YEATS4: variants seen among roughly 807,000 people sequenced by gnomAD.
YEATS4 encodes YEATS domain-containing protein 4.
In YEATS4, 17 loss-of-function variants were observed where a neutral mutation model predicts 30.1. That is an observed-to-expected ratio of 0.56 (90% CI 0.39 to 0.85). The LOEUF (loss-of-function observed/expected upper bound fraction) is 0.85. YEATS4 is among the 40% of genes least tolerant of loss of function. The pLI, the probability that YEATS4 is intolerant of heterozygous loss-of-function variation, is 0.00. For synonymous variants in YEATS4, 85 were observed against 87.5 expected (o/e 0.97, Z 0.16); for missense variants, 142 against 268.3 (o/e 0.53, Z 3.29).
chr12:69,391,404 A>C (rs1202385581), downstream of YEATS4, among the ~76,000 whole-genome samples: 1 of 152,192 alleles, frequency 6.6e-6, no homozygotes, highest in Non-Finnish European at 1.5e-5. Flanking sequence ...TCTTCTGTTC[A>C]AATCCACACA....
intron 6 of YEATS4, among the ~76,000 whole-genome samples, chr12:69,377,721 T>TA (rs34542388): frequency 0.051 from 7,748 of 151,844 alleles, 421 homozygotes; most frequent in East Asian, 0.28. Flanking sequence ...CTTGCTTTTT[T>TA]AAAAAAAAAT....
chr12:69,391,529 G>C (rs1180858157), downstream of YEATS4, among the ~76,000 whole-genome samples: 1 of 152,104 alleles, frequency 6.6e-6, no homozygotes, highest in Non-Finnish European at 1.5e-5. Context: ...TTTTTTATCT[G>C]TCTGCCCTGA....
the YEATS4 span, among the ~76,000 whole-genome samples, chr12:69,420,757 C>G: frequency 1.7e-5 from 1 of 60,566 alleles, no homozygotes; most frequent in Non-Finnish European, 3.1e-5. Flanking sequence ...CAATAAAAAA[C>G]ACACTGGGGG....
chr12:69,424,856 C>T, the YEATS4 span, among the ~76,000 whole-genome samples: 2 of 152,114 alleles, frequency 1.3e-5, no homozygotes, highest in African/African-American at 4.8e-5. Flanking sequence ...TCAGGTATTT[C>T]TTTATTGCAG....
intron 4 of YEATS4, among the ~76,000 whole-genome samples, chr12:69,368,672 C>G (rs1181550200): frequency 6.6e-6 from 1 of 152,138 alleles, no homozygotes; most frequent in Non-Finnish European, 1.5e-5. Flanking sequence ...AGTCTGAAAT[C>G]AAGGTGTTGG....
chr12:69,425,636 T>C, the YEATS4 span, among the ~76,000 whole-genome samples: 1 of 152,212 alleles, frequency 6.6e-6, no homozygotes, highest in African/African-American at 2.4e-5. Context: ...CCTCAGGATG[T>C]GGCTTCCCCA....
the YEATS4 span, chr12:69,400,886 A>C: frequency 2.0e-5 from 3 of 152,194 alleles, no homozygotes; most frequent in Non-Finnish European, 2.9e-5. Flanking sequence ...AATATTACCT[A>C]TCAGAATTTA....
chr12:69,407,443 C>T, the YEATS4 span, among the ~76,000 whole-genome samples: 1 of 151,916 alleles, frequency 6.6e-6, no homozygotes, highest in Non-Finnish European at 1.5e-5. Context: ...TTATAAGAGA[C>T]ACTTTTGATC....
chr12:69,360,312 G>T (rs1160783562), intron 1 of YEATS4, among the ~76,000 whole-genome samples: 1 of 152,204 alleles, frequency 6.6e-6, no homozygotes, highest in African/African-American at 2.4e-5. Context: ...GACTCCGAGG[G>T]CTGGGAAAGC....
chr12:69,396,710 C>A, the YEATS4 span, among the ~76,000 whole-genome samples: 2 of 128,860 alleles, frequency 1.6e-5, no homozygotes, highest in African/African-American at 5.0e-5. Flanking sequence ...GAATTGAAAC[C>A]ATGAACCTAT....
the YEATS4 span, among the ~76,000 whole-genome samples, chr12:69,426,662 CA>C: frequency 1.3e-5 from 2 of 152,208 alleles, no homozygotes; most frequent in Non-Finnish European, 2.9e-5. Flanking sequence ...TAAGCCACCG[CA>C]TCCGGCCTAA....
chr12:69,398,593 G>T, the YEATS4 span, among the ~76,000 whole-genome samples: 2 of 151,750 alleles, frequency 1.3e-5, no homozygotes, highest in African/African-American at 2.4e-5. Flanking sequence ...TGGGTGGATT[G>T]CTTGAGCCCA....
At chr12:69,417,856 G>GAAAAAAA in the YEATS4 span, among the ~76,000 whole-genome samples, 1 of 101,980 alleles carries the variant, frequency 9.8e-6, no homozygotes, top group Non-Finnish European at 1.9e-5. Flanking sequence ...TTACAATAGG[G>GAAAAAAA]AAAAAAAAAA....
chr12:69,373,173 G>A (rs1044283821), intron 6 of YEATS4, among the ~76,000 whole-genome samples: 1 of 152,142 alleles, frequency 6.6e-6, no homozygotes, highest in Non-Finnish European at 1.5e-5. Context: ...TGGGATTGCT[G>A]GATCATATAG....
At chr12:69,380,240 CT>C (rs1194667701) in intron 6 of YEATS4, among the ~76,000 whole-genome samples, 13 of 152,226 alleles carry the variant, frequency 8.5e-5, no homozygotes, top group African/African-American at 3.1e-4. Context: ...CTTGGGCAGG[CT>C]TTCCAGGTAT....
chr12:69,413,678 C>CCCGTCT, the YEATS4 span, among the ~76,000 whole-genome samples: 1 of 151,896 alleles, frequency 6.6e-6, no homozygotes, highest in African/African-American at 2.4e-5. Flanking sequence ...ATGGCGAAAC[C>CCCGTCT]CCGTCTCTAC....
chr12:69,367,006 A>T (rs1341064128), intron 4 of YEATS4, among the ~76,000 whole-genome samples: 1 of 152,178 alleles, frequency 6.6e-6, no homozygotes, highest in Non-Finnish European at 1.5e-5. Flanking sequence ...CACAATGAGA[A>T]TTGGGACCCA....
At chr12:69,381,863 G>A (rs1253594725) in intron 6 of YEATS4, among the ~76,000 whole-genome samples, 3 of 152,024 alleles carry the variant, frequency 2.0e-5, no homozygotes, top group Non-Finnish European at 4.4e-5. Flanking sequence ...TGACTGGTCC[G>A]GCACACTAAA....
intron 2 of YEATS4, among the ~76,000 whole-genome samples, chr12:69,364,839 C>CA (rs1157656878): frequency 6.6e-6 from 1 of 151,996 alleles, no homozygotes; most frequent in Non-Finnish European, 1.5e-5. Context: ...AGGCTGGTCT[C>CA]AAACTCCTGA....
Sources: gnomAD v4.1 joint callset for allele counts (sites outside exome capture counted in the v4.1 genomes callset) on GRCh38, gnomAD v4.1.1 for gene constraint, MANE v1.5 for transcripts, NCBI Gene and HGNC (gene_info 2026-07-23, HGNC 2026-07-21) for gene names.